SH3RF3: variants seen among roughly 807,000 people sequenced by gnomAD.
The protein encoded by SH3RF3 is E3 ubiquitin-protein ligase SH3RF3.
Under a neutral mutation model 66.3 loss-of-function variants are expected in SH3RF3, and 29 were observed. That is an observed-to-expected ratio of 0.44 (90% confidence interval 0.33 to 0.60). The LOEUF is 0.60. Ranked by LOEUF, SH3RF3 falls within the 20% of genes least tolerant of loss-of-function variation. SH3RF3 has a pLI of 0.04. For synonymous variants in SH3RF3, 583 were observed against 532.0 expected (o/e 1.10, Z -1.32); for missense variants, 1,194 against 1,190.9 (o/e 1.00, Z -0.04).
intron 5 of SH3RF3, among the ~76,000 whole-genome samples, chr2:109,427,210 C>T (rs1011745475): frequency 4.6e-5 from 7 of 152,142 alleles, no homozygotes; most frequent in African/African-American, 1.7e-4. Context: ...CTCAGGTGAT[C>T]CACCTGCCTC....
chr2:109,275,349 C>T (rs1490433661), intron 1 of SH3RF3, among the ~76,000 whole-genome samples: 2 of 152,150 alleles, frequency 1.3e-5, no homozygotes, highest in Non-Finnish European at 2.9e-5. Flanking sequence ...TTTGTGATAA[C>T]GTTGATAAGT....
chr2:109,141,785 T>A (rs1259951347), intron 1 of SH3RF3, among the ~76,000 whole-genome samples: 2 of 152,032 alleles, frequency 1.3e-5, no homozygotes, highest in Non-Finnish European at 2.9e-5. Context: ...GGGTACTGGT[T>A]GGAGAAGGAG....
chr2:109,458,599 A>AGAGAGAGAGAGAGAGAGAGAGAGAGG (rs1334722012), intron 8 of SH3RF3, among the ~76,000 whole-genome samples: 4 of 150,484 alleles, frequency 2.7e-5, no homozygotes, highest in African/African-American at 5.0e-5. Flanking sequence ...AGAGAGAGAG[A>AGAGAGAGAGAGAGAGAGAGAGAGAGG]GAATTTATTT....
chr2:109,183,073 A>C (rs188315735), intron 1 of SH3RF3, among the ~76,000 whole-genome samples: 1 of 152,292 alleles, frequency 6.6e-6, no homozygotes, highest in Non-Finnish European at 1.5e-5. Flanking sequence ...ACAATGACTA[A>C]TTTATTCAGC....
intron 1 of SH3RF3, among the ~76,000 whole-genome samples, chr2:109,262,317 G>A (rs993568248): frequency 2.6e-4 from 40 of 152,178 alleles, no homozygotes; most frequent in African/African-American, 9.7e-4. Context: ...GAGTAACCAC[G>A]GTGGAAAAGC....
intron 1 of SH3RF3, among the ~76,000 whole-genome samples, chr2:109,303,592 A>C (rs1574561322): frequency 6.6e-6 from 1 of 152,192 alleles, no homozygotes; most frequent in Admixed American, 6.5e-5. Flanking sequence ...GGGACGGGAG[A>C]GGGCCGCCAC....
chr2:109,175,218 A>G (rs1558940891), intron 1 of SH3RF3, among the ~76,000 whole-genome samples: 1 of 152,186 alleles, frequency 6.6e-6, no homozygotes, highest in Non-Finnish European at 1.5e-5. Context: ...GTTTGGTGCC[A>G]TGGCCTGTGG....
intron 1 of SH3RF3, among the ~76,000 whole-genome samples, chr2:109,187,787 G>C (rs911028488): frequency 3.9e-5 from 6 of 152,204 alleles, no homozygotes; most frequent in Non-Finnish European, 1.5e-5. Flanking sequence ...AGGTGGGCTT[G>C]CTTCCGACTT....
At chr2:109,385,838 A>G (rs1675808933) in intron 3 of SH3RF3, among the ~76,000 whole-genome samples, 1 of 152,246 alleles carries the variant, frequency 6.6e-6, no homozygotes, top group Non-Finnish European at 1.5e-5. Context: ...CAGGAGGTCA[A>G]ATTTACACGT....
intron 1 of SH3RF3, among the ~76,000 whole-genome samples, chr2:109,311,917 A>G (rs997349017): frequency 2.0e-5 from 3 of 152,080 alleles, no homozygotes; most frequent in African/African-American, 4.8e-5. Flanking sequence ...ATGCCCTGCC[A>G]GTGGATGAGA....
chr2:109,482,837 G>GA (rs1678870845), intron 8 of SH3RF3, among the ~76,000 whole-genome samples: 2 of 152,138 alleles, frequency 1.3e-5, no homozygotes, highest in Admixed American at 1.3e-4. Context: ...ACAAGCTAGA[G>GA]AAGCACAATA....
intron 1 of SH3RF3, among the ~76,000 whole-genome samples, chr2:109,148,091 G>A (rs960780300): frequency 6.6e-6 from 1 of 152,186 alleles, no homozygotes; most frequent in African/African-American, 2.4e-5. Flanking sequence ...ATCTGGCTGG[G>A]CTGCCAGCCG....
In SH3RF3 at chr2:109,419,521, C is replaced by A; in HGVS notation, c.1300-18C>A. On this transcript the variant is annotated intron_variant, in intron 4 of 9. Transcript: ENST00000309415. ...AGTCTCTGTCTCCTCACTCCTGTCC[C>A]CTCTTGTCTGTTTCCAGGATGTCTC... 3.8e-6 allele frequency: 6 copies of A among 1,577,640 alleles called. No individual in the cohort carries two copies. The highest frequency in any genetic ancestry group is 4.3e-6 in the Non-Finnish European group (5 of 1,161,606).
intron 1 of SH3RF3, among the ~76,000 whole-genome samples, chr2:109,157,302 C>A (rs1677370005): frequency 6.6e-6 from 1 of 152,218 alleles, no homozygotes; most frequent in African/African-American, 2.4e-5. Context: ...TACAGTGATC[C>A]TTCACAGCAC....
At chr2:109,288,571 TTTC>T (rs1681092139) in intron 1 of SH3RF3, among the ~76,000 whole-genome samples, 1 of 152,252 alleles carries the variant, frequency 6.6e-6, no homozygotes, top group Non-Finnish European at 1.5e-5. Flanking sequence ...CTCCATTTCC[TTTC>T]TGTTGAGAAT....
chr2:109,410,886 T>G (rs1416157538), intron 4 of SH3RF3, among the ~76,000 whole-genome samples: 3 of 152,184 alleles, frequency 2.0e-5, no homozygotes, highest in African/African-American at 7.2e-5. Flanking sequence ...AGGATGAACA[T>G]CTGTCTGAGG....
At chr2:109,292,639 A>G (rs1360932754) in intron 1 of SH3RF3, among the ~76,000 whole-genome samples, 1 of 152,184 alleles carries the variant, frequency 6.6e-6, no homozygotes, top group African/African-American at 2.4e-5. Flanking sequence ...TTTTCTATCT[A>G]TAGACTCTGC....
intron 1 of SH3RF3, among the ~76,000 whole-genome samples, chr2:109,231,344 A>G (rs919261715): frequency 2.6e-5 from 4 of 152,248 alleles, no homozygotes; most frequent in South Asian, 4.1e-4. Flanking sequence ...ACAATAAAAA[A>G]TAACTCCCCT....
At chr2:109,193,399 C>A (rs575256478) in intron 1 of SH3RF3, among the ~76,000 whole-genome samples, 1 of 152,176 alleles carries the variant, frequency 6.6e-6, no homozygotes, top group South Asian at 2.1e-4. Flanking sequence ...CAATCATAGA[C>A]CATTTTTATC....
Sources: gnomAD v4.1 joint callset for allele counts (sites outside exome capture counted in the v4.1 genomes callset) on GRCh38, gnomAD v4.1.1 for gene constraint, MANE v1.5 for transcripts, NCBI Gene and HGNC (gene_info 2026-07-23, HGNC 2026-07-21) for gene names.